GRM7: variants seen among roughly 807,000 people sequenced by gnomAD.
GRM7 encodes glutamate metabotropic receptor 7.
GRM7 carries 35 observed loss-of-function variants against 84.5 expected under a neutral mutation model. The observed-to-expected ratio is 0.41, with a 90% CI of 0.32 to 0.55. GRM7 has a LOEUF of 0.55. GRM7 is among the 20% of genes least tolerant of loss of function. GRM7 has a pLI of 0.19. For synonymous variants in GRM7, 487 were observed against 455.1 expected (o/e 1.07, Z -0.89); for missense variants, 1,003 against 1,194.6 (o/e 0.84, Z 2.36).
At chr3:7,653,383 G>T (rs1288654587) in intron 8 of GRM7, among the ~76,000 whole-genome samples, 1 of 151,844 alleles carries the variant, frequency 6.6e-6, no homozygotes, top group African/African-American at 2.4e-5. Flanking sequence ...GTTCAGATGT[G>T]GTCCAGGGTC....
intron 1 of GRM7, among the ~76,000 whole-genome samples, chr3:7,077,087 G>A (rs1234176559): frequency 6.6e-6 from 1 of 152,158 alleles, no homozygotes; most frequent in Non-Finnish European, 1.5e-5. Context: ...GTGCTGGAGA[G>A]TCTGTGGAGA....
chr3:7,367,995 A>C (rs1431353350), intron 4 of GRM7, among the ~76,000 whole-genome samples: 2 of 148,938 alleles, frequency 1.3e-5, no homozygotes, highest in African/African-American at 4.9e-5. Context: ...ACAATGAAAA[A>C]TACAATGATA....
chr3:7,617,996 G>T (rs1478258334), intron 8 of GRM7, among the ~76,000 whole-genome samples: 1 of 152,092 alleles, frequency 6.6e-6, no homozygotes, highest in Non-Finnish European at 1.5e-5. Context: ...AAACCCTCTT[G>T]TGCCTTAGAG....
At chr3:6,960,216 C>T (rs1693237556) in intron 1 of GRM7, among the ~76,000 whole-genome samples, 1 of 152,152 alleles carries the variant, frequency 6.6e-6, no homozygotes, top group South Asian at 2.1e-4. Flanking sequence ...CCTGCTCTTC[C>T]CGACCTCTTT....
At chr3:6,934,726 G>C (rs1697628112) in intron 1 of GRM7, among the ~76,000 whole-genome samples, 1 of 152,080 alleles carries the variant, frequency 6.6e-6, no homozygotes, top group African/African-American at 2.4e-5. Context: ...AGGGCAAGGT[G>C]AGATACTTTT....
At chr3:6,888,585 A>T (rs939986796) in intron 1 of GRM7, among the ~76,000 whole-genome samples, 1 of 151,906 alleles carries the variant, frequency 6.6e-6, no homozygotes, top group African/African-American at 2.4e-5. Context: ...TGTTCCATTG[A>T]TCTATATCTC....
At chr3:7,200,838 C>T (rs943049652) in intron 2 of GRM7, among the ~76,000 whole-genome samples, 7 of 152,132 alleles carry the variant, frequency 4.6e-5, no homozygotes, top group Admixed American at 4.6e-4. Context: ...CTCCTCCTCA[C>T]CGTATTTCTT....
intron 1 of GRM7, among the ~76,000 whole-genome samples, chr3:6,979,453 C>A (rs570459522): frequency 6.6e-6 from 1 of 152,266 alleles, no homozygotes; most frequent in East Asian, 1.9e-4. Flanking sequence ...TTTGACCCAA[C>A]AACCACGTTT....
intron 8 of GRM7, among the ~76,000 whole-genome samples, chr3:7,628,234 A>G (rs901677710): frequency 2.0e-5 from 3 of 152,166 alleles, no homozygotes; most frequent in Admixed American, 1.3e-4. Flanking sequence ...AATTGATTTG[A>G]CACACTTTTC....
At chr3:7,630,029 G>C (rs888540576) in intron 8 of GRM7, among the ~76,000 whole-genome samples, 1 of 152,206 alleles carries the variant, frequency 6.6e-6, no homozygotes, top group Non-Finnish European at 1.5e-5. Context: ...AGTTGGAAAC[G>C]AGGTGGTATT....
chr3:7,595,299 A>G (rs528270690), intron 8 of GRM7, among the ~76,000 whole-genome samples: 1 of 152,348 alleles, frequency 6.6e-6, no homozygotes, highest in East Asian at 1.9e-4. Flanking sequence ...GTTGGTAGTC[A>G]TGAAAGGCTT....
In GRM7 at chr3:7,356,234, A is replaced by G. The variant is rs1693393289; in HGVS notation, c.1033+49582A>G. 2.0e-5 allele frequency among the ~76,000 whole-genome samples: 3 copies of G among 152,244 alleles called. 1 individual carries two copies. In the Middle Eastern group the frequency reaches 0.01, roughly 518 times the overall value. Reference sequence around the variant, plus strand: ...ATGAATAGACTTCTCTGAGTGGGCAAAAGATGTGAAGGTATTTGCGTCCAC... The same window carrying G: ...ATGAATAGACTTCTCTGAGTGGGCAGAAGATGTGAAGGTATTTGCGTCCAC... On this transcript the variant is annotated intron_variant, in intron 4 of 9. Transcript: ENST00000357716.
intron 1 of GRM7, among the ~76,000 whole-genome samples, chr3:7,139,433 A>G (rs368295790): frequency 2.0e-5 from 3 of 151,910 alleles, no homozygotes; most frequent in Admixed American, 6.6e-5. Flanking sequence ...TTAGAGAAGC[A>G]AAAAGGTCTG....
intron 1 of GRM7, among the ~76,000 whole-genome samples, chr3:7,043,674 T>A (rs1696706755): frequency 6.6e-6 from 1 of 152,222 alleles, no homozygotes; most frequent in Non-Finnish European, 1.5e-5. Context: ...TCTCCTGACC[T>A]CTCTGAATCT....
chr3:7,594,704 A>G (rs187837105), intron 8 of GRM7, among the ~76,000 whole-genome samples: 3 of 152,142 alleles, frequency 2.0e-5, no homozygotes, highest in African/African-American at 7.2e-5. Context: ...GTGAGCTGCA[A>G]CCAGGGATGA....
At chr3:6,941,224 G>A (rs1697882108) in intron 1 of GRM7, among the ~76,000 whole-genome samples, 1 of 152,184 alleles carries the variant, frequency 6.6e-6, no homozygotes, top group African/African-American at 2.4e-5. Flanking sequence ...TCAGCAGACT[G>A]GCTAGAACCC....
intron 4 of GRM7, among the ~76,000 whole-genome samples, chr3:7,381,819 G>T (rs967142176): frequency 9.9e-5 from 15 of 152,110 alleles, no homozygotes; most frequent in African/African-American, 3.6e-4. Context: ...ATCTTAAAGT[G>T]ATAATAATGG....
intron 1 of GRM7, among the ~76,000 whole-genome samples, chr3:6,966,628 T>C (rs190210939): frequency 6.6e-6 from 1 of 152,360 alleles, no homozygotes; most frequent in East Asian, 1.9e-4. Context: ...GAAAGGCCTA[T>C]GTTTAATGTA....
chr3:7,353,950 G>A (rs1693274252), intron 4 of GRM7, among the ~76,000 whole-genome samples: 1 of 152,096 alleles, frequency 6.6e-6, no homozygotes, highest in Non-Finnish European at 1.5e-5. Flanking sequence ...AGATAGGAAG[G>A]CTATTACATT....
Sources: gnomAD v4.1 joint callset for allele counts (sites outside exome capture counted in the v4.1 genomes callset) on GRCh38, gnomAD v4.1.1 for gene constraint, MANE v1.5 for transcripts, NCBI Gene and HGNC (gene_info 2026-07-23, HGNC 2026-07-21) for gene names.